Variants in ZNF541 observed in about 807,000 individuals in gnomAD.
ZNF541 encodes the protein zinc finger protein 541.
ZNF541 carries 23 observed loss-of-function variants against 123.5 expected under a neutral mutation model. The observed-to-expected ratio is 0.19, with a 90% CI of 0.13 to 0.26. The LOEUF (loss-of-function observed/expected upper bound fraction) is 0.26, where lower values mean the gene tolerates loss of function less well. ZNF541 is among the 10% of genes least tolerant of loss of function. The probability of loss-of-function intolerance (pLI) is 1.00; values close to 1 mark genes in which losing one functional copy is unlikely to be tolerated. For missense variants in ZNF541, 1,612 were observed against 1,789.9 expected (o/e 0.90, Z 1.79); for synonymous variants, 751 against 754.5 (o/e 1.00, Z 0.08).
At position 47,544,176 on chromosome 19, in the gene ZNF541, G is replaced by A; in HGVS notation, c.2353C>T (p.Pro785Ser). Reference sequence around the variant, plus strand: ...TTGGACTTGGAGGGATCTGCCGGGGGCCCGGCCGATGAGAAGGAGGCCATG... The same window carrying A: ...TTGGACTTGGAGGGATCTGCCGGGGACCCGGCCGATGAGAAGGAGGCCATG... ...VAMASFSSAG[P>S]PADPSKSKLT... The change falls in exon 5 of 17, where the codon CCC becomes TCC. Residue 785 changes from proline (P) to serine (S), a missense_variant. Pro to Ser is a moderately conservative substitution (Grantham distance 74). This residue lies in a region of ZNF541 where 1,080 missense variants were observed against 1,013.8 expected (regional missense o/e 1.07). Coordinates refer to ENST00000391901, the MANE Select transcript of ZNF541 (RefSeq NM_001277075.3). 5 of 1,551,666 alleles carry A rather than the reference G, an allele frequency of 3.2e-6. No homozygotes were observed. The highest frequency in any genetic ancestry group is 4.4e-6 in the Non-Finnish European group (5 of 1,146,976).
Position 47,544,843 on chromosome 19 carries a change from G to C in ZNF541, c.1686C>G (p.Thr562=), listed in dbSNP as rs1400492084. The C allele has an allele frequency of 2.0e-6, 3 of 1,535,628 alleles. No individual in the cohort carries two copies. In the Admixed American group the frequency reaches 5.9e-5, roughly 30 times the overall value. The part of the protein sequence containing the change: ...HEQMQVFQMI[T]KSQRIFSHAQ... ...CATGGGAGAAGATCCGCTGGGACTT[G>C]GTGATCATCTGGAACACCTGCATCT... is the stretch of plus-strand genomic sequence containing the variant. Residue 562 remains threonine, a synonymous_variant, in exon 5 of 17, where the codon ACC becomes ACG. Coordinates refer to ENST00000391901, the MANE Select transcript of ZNF541 (RefSeq NM_001277075.3).
At chr19:47,548,832 T>C (rs1159939078) in intron 4 of ZNF541, among the ~76,000 whole-genome samples, 3 of 152,102 alleles carry the variant, frequency 2.0e-5, no homozygotes, top group African/African-American at 7.2e-5. Context: ...TCCCAGAACT[T>C]TGGGAGGCCA....
At chr19:47,530,335 ATTTT>A (rs10586987) in intron 12 of ZNF541, among the ~76,000 whole-genome samples, 1,776 of 131,898 alleles carry the variant, frequency 0.013, 45 homozygotes, top group African/African-American at 0.047. Context: ...CTCCCTGCTA[ATTTT>A]TTTTTTTTTT....
At chr19:47,572,873 TG>T (rs1456642518) in intron 1 of ZNF541, among the ~76,000 whole-genome samples, 5 of 151,706 alleles carry the variant, frequency 3.3e-5, no homozygotes, top group African/African-American at 1.2e-4. Context: ...CCGGAGCTGT[TG>T]GGTTGCAGAA....
At chr19:47,527,675 C>T (rs557311857) in intron 14 of ZNF541, among the ~76,000 whole-genome samples, 3 of 151,838 alleles carry the variant, frequency 2.0e-5, no homozygotes, top group African/African-American at 7.3e-5. Context: ...GGATTACAGG[C>T]GTGAGCCACT....
chr19:47,545,374 G>C lies in ZNF541; in HGVS notation c.1155C>G (p.Pro385=). ...LQARSTAECW[P]EGGSVPACLP... is the part of the protein sequence containing the mutation. ...GGCAGGCAGGCACGGAGCCGCCTTCGGGCCAGCACTCCGCGGTGGACCGGG... is the reference window on the plus strand; with the variant it reads ...GGCAGGCAGGCACGGAGCCGCCTTCCGGCCAGCACTCCGCGGTGGACCGGG... The change falls in exon 5 of 17, where the codon CCC becomes CCG. Residue 385 remains proline (P), a synonymous_variant. Transcript: ENST00000391901. The surrounding 1 kb of genome is among the most constrained non-coding windows in gnomAD (Gnocchi z 7.5). 1 of 1,532,504 alleles carries C rather than the reference G, an allele frequency of 6.5e-7. No individual in the cohort carries two copies. Among genetic ancestry groups the C allele is most frequent in the Non-Finnish European group, 8.8e-7 (1 of 1,137,276 alleles). 94.9% of individuals were successfully genotyped at this position (1,532,504 alleles called of 1,614,324 possible). A position where few individuals can be genotyped will look rare whatever the true frequency, so the allele number is the denominator to read the frequency against.
Position 47,545,803 on chromosome 19 carries a change from G to C in ZNF541, c.726C>G (p.Ala242=), listed in dbSNP as rs1288738324. ...EEEACGDSPH[A]HESAGQPPPS... is the part of the protein sequence containing the mutation. ...GGGGCGGCTGGCCGGCCGACTCGTG[G>C]GCGTGGGGGGAGTCCCCGCAGGCCT... The change falls in exon 5 of 17, where the codon GCC becomes GCG. Residue 242 remains alanine, a synonymous_variant. Transcript: ENST00000391901. This position sits in a 1 kb window ranked among gnomAD's most constrained non-coding sequence, Gnocchi z 7.5. 6 of 1,544,680 alleles carry C rather than the reference G, an allele frequency of 3.9e-6. No homozygotes were observed. The South Asian group carries it at 7.2e-5, about 18-fold the overall frequency.
At position 47,522,744 on chromosome 19, in the gene ZNF541, C is replaced by CT. The variant is rs35868495; in HGVS notation, c.3571-751dup. Among the ~76,000 whole-genome samples the CT allele has an allele frequency of 6.0e-3, 677 of 112,436 alleles. 7 individuals carry two copies. The highest frequency in any genetic ancestry group is 0.014 in the African/African-American group (396 of 27,866). The allele number at this position is 112,436 out of a possible 152,430, so 73.8% of individuals were successfully genotyped here. A position where few individuals can be genotyped will look rare whatever the true frequency, so the allele number is the denominator to read the frequency against. On this transcript the variant is annotated intron_variant, in intron 14 of 16. Transcript: ENST00000391901. ...CCAGGTGTTCAAGGCTGCAGTGAGC[C>CT]TTTTTTTTTTTTTTTTTTTTGAGAC...
At chr19:47,534,266 G>A (rs573431806) in intron 9 of ZNF541, among the ~76,000 whole-genome samples, 3 of 152,138 alleles carry the variant, frequency 2.0e-5, no homozygotes, top group East Asian at 3.8e-4. Flanking sequence ...AAAATAAAGA[G>A]AGCCTCAGAG....
At chr19:47,541,104 C>A (rs1267846134) in intron 5 of ZNF541, 153 bp from the exon 6 acceptor site, 2 of 643,466 alleles carry the variant, frequency 3.1e-6, no homozygotes, top group Admixed American at 6.7e-5. Context: ...GCAAAACAGA[C>A]AAATTAGACT....
chr19:47,552,742 C>CAAAAAAAAAAA (rs573248609), intron 3 of ZNF541, among the ~76,000 whole-genome samples: 2 of 26,122 alleles, frequency 7.7e-5, no homozygotes, highest in African/African-American at 2.1e-4. Context: ...GACTCCATCT[C>CAAAAAAAAAAA]AAAAAAAAAA....
intron 4 of ZNF541, among the ~76,000 whole-genome samples, chr19:47,548,325 C>T (rs1486243769): frequency 6.6e-6 from 1 of 150,900 alleles, no homozygotes; most frequent in Admixed American, 6.6e-5. Flanking sequence ...CGCCTGTAGT[C>T]CCAGCTGCTC....
intron 9 of ZNF541, among the ~76,000 whole-genome samples, chr19:47,535,280 CAA>C (rs949342626): frequency 6.6e-6 from 1 of 152,196 alleles, no homozygotes; most frequent in Non-Finnish European, 1.5e-5. Flanking sequence ...TACAGGGAAA[CAA>C]GAGTGACTCT....
Position 47,531,893 on chromosome 19 carries a change from C to G in ZNF541, c.3302-148G>C, listed in dbSNP as rs546172199. The G allele has an allele frequency of 6.3e-4, 571 of 908,624 alleles. 3 individuals carry two copies. The highest frequency in any genetic ancestry group is 1.1e-3 in the Admixed American group (40 of 37,210). The allele number at this position is 908,624 out of a possible 1,614,324, so 56.3% of individuals were successfully genotyped here. On this transcript the variant is annotated intron_variant, in intron 11 of 16. Coordinates refer to ENST00000391901, the MANE Select transcript of ZNF541 (RefSeq NM_001277075.3). The stretch of plus-strand genomic sequence containing the variant: ...GAGGGACAAGGAGGAAGAGCAGAAC[C>G]CTGTCCCCAGCACCCACTCCTGATG...
In ZNF541 at chr19:47,555,782, T is replaced by C. The variant is rs1295276318; in HGVS notation, c.75A>G (p.Gln25=). The C allele has an allele frequency of 9.0e-6, 14 of 1,551,666 alleles. No individual in the cohort carries two copies. Among genetic ancestry groups the C allele is most frequent in the Non-Finnish European group, 1.2e-5 (14 of 1,146,992 alleles). The change falls in exon 3 of 17, where the codon CAA becomes CAG. Residue 25 remains glutamine (Q), a synonymous_variant. Transcript: ENST00000391901. ...EMHLPSFSES[Q]GLNCSDTLNR... is the part of the protein sequence containing the mutation. The stretch of plus-strand genomic sequence containing the variant: ...TGAGGGTGTCGCTGCAGTTGAGCCC[T>C]TGGCTCTCTGAAAATGAAGGGAGGT...
intron 2 of ZNF541, among the ~76,000 whole-genome samples, chr19:47,568,191 C>G (rs1323307675): frequency 6.6e-6 from 1 of 152,090 alleles, no homozygotes; most frequent in Non-Finnish European, 1.5e-5. Context: ...GTTCTGCCAC[C>G]ACACCCCCCA....
In ZNF541 at chr19:47,529,580, T is replaced by C. The variant is rs759149474; in HGVS notation, c.3478A>G (p.Thr1160Ala). 1.9e-6 allele frequency: 3 copies of C among 1,551,608 alleles called. No individual in the cohort carries two copies. Among genetic ancestry groups the C allele is most frequent in the Non-Finnish European group, 2.6e-6 (3 of 1,146,944 alleles). The change falls in exon 13 of 17, where the codon ACA becomes GCA. Residue 1160 changes from threonine (T) to alanine (A), a missense_variant. Around this residue, in one of 5 missense-constraint regions of ZNF541, gnomAD observed 285 missense variants for 407.3 expected, o/e 0.70. Transcript: ENST00000391901. ...RTHLLADYRY[T>A]GSDVWTPIEK... Reference sequence around the variant, plus strand: ...CTCAGCAGCCTTTCCCCGTCACCTGTGTAGCGATAGTCAGCGAGCAGGTGT... The same window carrying C: ...CTCAGCAGCCTTTCCCCGTCACCTGCGTAGCGATAGTCAGCGAGCAGGTGT...
At chr19:47,571,250 C>A (rs999269941) in intron 2 of ZNF541, among the ~76,000 whole-genome samples, 1 of 151,894 alleles carries the variant, frequency 6.6e-6, no homozygotes, top group Non-Finnish European at 1.5e-5. Flanking sequence ...GTAGCTGGGA[C>A]TACAGGCGCC....
intron 4 of ZNF541, among the ~76,000 whole-genome samples, chr19:47,547,335 C>T (rs1390300082): frequency 1.3e-5 from 2 of 152,246 alleles, no homozygotes; most frequent in Middle Eastern, 3.4e-3. Flanking sequence ...CCAAATGTGC[C>T]TATAGTTTCT....
Sources: allele counts gnomAD v4.1 joint callset (sites outside exome capture counted in the v4.1 genomes callset), GRCh38; gene constraint gnomAD v4.1.1; regional missense constraint gnomAD v4.1.1; non-coding constraint Gnocchi (gnomAD v3.1); transcripts MANE v1.5; gene names NCBI Gene and HGNC (gene_info 2026-07-23, HGNC 2026-07-21).